Variants in HEG1 observed in about 807,000 individuals in gnomAD.
HEG1 encodes heart development protein with EGF like domains 1, also known as protein HEG homolog 1.
Under a neutral mutation model 125.6 loss-of-function variants are expected in HEG1, and 56 were observed. That is an observed-to-expected ratio of 0.45 (90% CI 0.36 to 0.56). The LOEUF is 0.56. Ranked by LOEUF, HEG1 falls within the 20% of genes least tolerant of loss-of-function variation. HEG1 has a pLI of 0.00. For missense variants in HEG1, 1,523 were observed against 1,670.0 expected, an observed-to-expected ratio of 0.91 and a Z score of 1.53; for synonymous variants, 644 against 668.5, an observed-to-expected ratio of 0.96 and a Z score of 0.57.
intron 16 of HEG1, among the ~76,000 whole-genome samples, chr3:124,971,471 T>C (rs1353592865): frequency 6.6e-6 from 1 of 151,846 alleles, no homozygotes; most frequent in Non-Finnish European, 1.5e-5. Context: ...TTTCCCTCTC[T>C]TTCTTTCTTT....
chr3:124,995,519 G>A (rs1401150309), intron 12 of HEG1, among the ~76,000 whole-genome samples: 1 of 152,240 alleles, frequency 6.6e-6, no homozygotes, highest in Non-Finnish European at 1.5e-5. Flanking sequence ...TTGAACTGCA[G>A]TGATTTAGAA....
In HEG1 at chr3:125,028,590, C is replaced by A. The variant is rs531249121; in HGVS notation, c.610+605G>T. 1.1e-4 allele frequency among the ~76,000 whole-genome samples: 16 copies of A among 152,322 alleles called. 2 individuals carry two copies. The South Asian group carries it at 2.5e-3, about 24-fold the overall frequency. ...AAACCTGTTAACTGTTTGACCTACACATATTGGGACAACTAACTTCTCTGA... is the reference window on the plus strand; with the variant it reads ...AAACCTGTTAACTGTTTGACCTACAAATATTGGGACAACTAACTTCTCTGA... On this transcript the variant is annotated intron_variant, in intron 2 of 16. Transcript: ENST00000311127.
chr3:125,004,769 CA>C (rs1937049532), intron 9 of HEG1, among the ~76,000 whole-genome samples: 1 of 151,992 alleles, frequency 6.6e-6, no homozygotes, highest in Non-Finnish European at 1.5e-5. Flanking sequence ...GAAGCAGAAT[CA>C]AAGACCCCTC....
rs768378469 is a variant in HEG1, at chr3:125,019,495, C to T, written c.1355G>A (p.Gly452Glu). 6.2e-7 allele frequency: 1 copy of T among 1,614,018 alleles called. No homozygotes were observed. Among genetic ancestry groups the T allele is most frequent in the Admixed American group, 1.7e-5 (1 of 60,032 alleles). The change falls in exon 5 of 17, where the codon GGA (glycine) becomes GAA (glutamate). Residue 452 changes from glycine to glutamate, a missense_variant. Physicochemically the swap from Gly to Glu is moderately conservative, Grantham distance 98. Transcript: ENST00000311127. Reference sequence around the variant, plus strand: ...CAAGAGCCAGTGTGCAGTGATCTCTCCACCTCTCATGGGTGCGACTGACCT... The same window carrying T: ...CAAGAGCCAGTGTGCAGTGATCTCTTCACCTCTCATGGGTGCGACTGACCT... ...VSRSVAPMRGGEITAHWLLTN... is the reference protein window; with the variant it reads ...VSRSVAPMRGEEITAHWLLTN...
intron 1 of HEG1, among the ~76,000 whole-genome samples, chr3:125,052,019 C>G (rs549864167): frequency 6.6e-6 from 1 of 152,256 alleles, no homozygotes; most frequent in Admixed American, 6.5e-5. Flanking sequence ...TCTGGCAAAA[C>G]ATAACAGTTC....
chr3:125,043,825 G>C (rs112623644), intron 1 of HEG1, among the ~76,000 whole-genome samples: 2 of 151,910 alleles, frequency 1.3e-5, no homozygotes, highest in Non-Finnish European at 2.9e-5. Flanking sequence ...CCAGGTTAGC[G>C]AAACAATAAA....
intron 1 of HEG1, 40 bp from the exon 2 acceptor site, chr3:125,029,528 C>T (rs1356092949): frequency 1.3e-6 from 2 of 1,554,840 alleles, no homozygotes; most frequent in African/African-American, 2.7e-5. Flanking sequence ...AGTTTGCTGG[C>T]TTCTGACAAG....
intron 2 of HEG1, 76 bp downstream of exon 2, chr3:125,029,119 G>A: frequency 1.4e-6 from 2 of 1,474,796 alleles, no homozygotes; most frequent in Non-Finnish European, 1.8e-6. Flanking sequence ...GAATGGGGTT[G>A]TGGGGAATGG....
chr3:124,975,410 A>G (rs1936516565), intron 15 of HEG1, among the ~76,000 whole-genome samples: 1 of 152,188 alleles, frequency 6.6e-6, no homozygotes, highest in Non-Finnish European at 1.5e-5. Context: ...TTCCTTTTCC[A>G]ATAGAAACCC....
Position 125,029,299 on chromosome 3 carries a change from G to C in HEG1, c.506C>G (p.Ala169Gly). ...ACTTGAAGAGCCGCTCCTTCCTCTA[G>C]CATCTGCTGTTTCAGCGAGTAGAGT... ...NLTLLAETAD[A>G]RGRSGSSSRT... is the part of the protein sequence containing the mutation. The change falls in exon 2 of 17, where the codon GCT becomes GGT. Residue 169 changes from alanine (A) to glycine (G), a missense_variant. Ala to Gly is a moderately conservative substitution (Grantham distance 60). Coordinates refer to ENST00000311127, the MANE Select transcript of HEG1 (RefSeq NM_020733.2). 1 of 1,613,968 alleles carries C rather than the reference G, an allele frequency of 6.2e-7. No homozygotes were observed. Among genetic ancestry groups the C allele is most frequent in the South Asian group, 1.1e-5 (1 of 91,072 alleles).
chr3:125,048,582 G>A (rs1049651243), intron 1 of HEG1, among the ~76,000 whole-genome samples: 1 of 152,256 alleles, frequency 6.6e-6, no homozygotes, highest in African/African-American at 2.4e-5. Flanking sequence ...TAAGTGGAGA[G>A]CAGAGCAAGA....
intron 6 of HEG1, 78 bp downstream of exon 6, chr3:125,012,545 T>C: frequency 2.2e-6 from 3 of 1,377,002 alleles, no homozygotes; most frequent in South Asian, 1.5e-5. Context: ...CAAATTCACA[T>C]GAACCCCGAG....
At chr3:124,972,897 G>A (rs1311047432) in intron 16 of HEG1, among the ~76,000 whole-genome samples, 2 of 152,136 alleles carry the variant, frequency 1.3e-5, no homozygotes, top group East Asian at 3.8e-4. Context: ...AAGGCCTACT[G>A]AGTATACAAT....
intron 4 of HEG1, among the ~76,000 whole-genome samples, chr3:125,019,935 G>T (rs1251469256): frequency 1.3e-5 from 2 of 152,124 alleles, no homozygotes; most frequent in Non-Finnish European, 2.9e-5. Context: ...CAAATACAAT[G>T]CAAATAAATA....
intron 1 of HEG1, among the ~76,000 whole-genome samples, chr3:125,053,763 C>T (rs1000509218): frequency 6.6e-6 from 1 of 152,194 alleles, no homozygotes; most frequent in Non-Finnish European, 1.5e-5. Context: ...TGTTACCTGC[C>T]ACACCTGTGA....
rs371069352 is a variant in HEG1 at position 125,009,810 on chromosome 3, G to C, written c.3088C>G (p.Leu1030Val). ...DDCSVDVNEC[L>V]SNPCPSTAMC... ...GCTGTGGATGGGCAGGGGTTCGACA[G>C]GCACTCATTCACATCTGTAGAGGAG... Residue 1030 changes from leucine (L) to valine (V), a missense_variant, in exon 8 of 17, where the codon CTG becomes GTG. Transcript: ENST00000311127. 2 of 1,613,364 alleles carry C rather than the reference G, an allele frequency of 1.2e-6. No individual in the cohort carries two copies. The highest frequency in any genetic ancestry group is 2.2e-5 in the South Asian group (2 of 90,914).
intron 14 of HEG1, among the ~76,000 whole-genome samples, chr3:124,979,869 G>A (rs1579396257): frequency 6.6e-6 from 1 of 152,114 alleles, no homozygotes; most frequent in Non-Finnish European, 1.5e-5. Context: ...ATGAAGACAG[G>A]CAACAGGTAG....
intron 1 of HEG1, among the ~76,000 whole-genome samples, chr3:125,049,748 C>G (rs993463594): frequency 1.1e-4 from 16 of 152,138 alleles, no homozygotes; most frequent in African/African-American, 3.6e-4. Flanking sequence ...TCTTTCCTCC[C>G]AACACATCAA....
chr3:124,997,966 A>G (rs760590273), intron 11 of HEG1, 143 bp from the exon 12 acceptor site: 38 of 858,276 alleles, frequency 4.4e-5, no homozygotes, highest in Admixed American at 3.2e-4. Flanking sequence ...AAGTCTCCAC[A>G]GAGCAACACT....
Sources: gnomAD v4.1 joint callset for allele counts (sites outside exome capture counted in the v4.1 genomes callset) on GRCh38, gnomAD v4.1.1 for gene constraint, MANE v1.5 for transcripts, NCBI Gene and HGNC (gene_info 2026-07-23, HGNC 2026-07-21) for gene names.